MTSS1: variants seen among roughly 807,000 people sequenced by gnomAD.
The protein encoded by MTSS1 is MTSS I-BAR domain containing 1.
Under a neutral mutation model 79.0 loss-of-function variants are expected in MTSS1, and 18 were observed. That is an observed-to-expected ratio of 0.23 (90% CI 0.16 to 0.34). The LOEUF is 0.34. MTSS1 is among the 10% of genes least tolerant of loss of function. The pLI is 1.00. For synonymous variants in MTSS1, 341 were observed against 368.6 expected, an observed-to-expected ratio of 0.93 and a Z score of 0.86; for missense variants, 815 against 986.2, an observed-to-expected ratio of 0.83 and a Z score of 2.33.
At chr8:124,599,690 C>T (rs1833435097) in intron 3 of MTSS1, among the ~76,000 whole-genome samples, 1 of 151,918 alleles carries the variant, frequency 6.6e-6, no homozygotes, top group South Asian at 2.1e-4. Flanking sequence ...AGGTAAGTGA[C>T]CCCCTCCTCC....
At chr8:124,609,058 G>A (rs1249146988) in intron 3 of MTSS1, among the ~76,000 whole-genome samples, 1 of 152,218 alleles carries the variant, frequency 6.6e-6, no homozygotes, top group Non-Finnish European at 1.5e-5. Flanking sequence ...TGGAGTGAAA[G>A]GGGCTAGAAT....
At chr8:124,602,178 CATATATATACATAT>C (rs1563835528) in intron 3 of MTSS1, among the ~76,000 whole-genome samples, 1 of 101,432 alleles carries the variant, frequency 9.9e-6, no homozygotes, top group African/African-American at 4.6e-5. Context: ...AAATAAATCT[CATATATATACATAT>C]ATATATATAT....
intron 3 of MTSS1, among the ~76,000 whole-genome samples, chr8:124,670,122 T>C (rs943331299): frequency 4.6e-5 from 7 of 152,172 alleles, no homozygotes; most frequent in African/African-American, 1.7e-4. Flanking sequence ...CTAAGTGCCA[T>C]AAAACACTGC....
intron 6 of MTSS1, among the ~76,000 whole-genome samples, chr8:124,572,050 A>AAGTT (rs554501285): frequency 1.3e-5 from 2 of 152,204 alleles, no homozygotes; most frequent in Non-Finnish European, 2.9e-5. Flanking sequence ...TTCCTTTCAC[A>AAGTT]AGTTATAAGG....
At chr8:124,716,412 C>A (rs886151169) in intron 1 of MTSS1, among the ~76,000 whole-genome samples, 1 of 152,170 alleles carries the variant, frequency 6.6e-6, no homozygotes, top group Non-Finnish European at 1.5e-5. Flanking sequence ...GTGGTGGAGT[C>A]GGGGATGGGG....
chr8:124,668,309 T>G (rs1280800661), intron 3 of MTSS1, among the ~76,000 whole-genome samples: 1 of 152,178 alleles, frequency 6.6e-6, no homozygotes, highest in Admixed American at 6.5e-5. Flanking sequence ...CCTACCAATG[T>G]GTGTTCATGG....
chr8:124,704,063 G>C, intron 2 of MTSS1, 67 bp downstream of exon 2: 1 of 1,444,168 alleles, frequency 6.9e-7, no homozygotes. Context: ...CTGCATTTTG[G>C]TCTGTCCCAC....
At chr8:124,726,241 G>A (rs1833685342) in intron 1 of MTSS1, among the ~76,000 whole-genome samples, 1 of 152,218 alleles carries the variant, frequency 6.6e-6, no homozygotes, top group South Asian at 2.1e-4. Flanking sequence ...CCTTTGGGCA[G>A]GTCACCTTCT....
intron 3 of MTSS1, among the ~76,000 whole-genome samples, chr8:124,654,580 A>G (rs1820596882): frequency 6.6e-6 from 1 of 152,210 alleles, no homozygotes; most frequent in East Asian, 1.9e-4. Flanking sequence ...GACCACATGA[A>G]GTATGATGTA....
intron 13 of MTSS1, among the ~76,000 whole-genome samples, 197 bp downstream of exon 13, chr8:124,555,545 C>T (rs577955557): frequency 3.3e-5 from 5 of 152,338 alleles, no homozygotes; most frequent in South Asian, 4.1e-4. Context: ...TGCGCCCGAC[C>T]CCAGATCCCT....
chr8:124,682,060 C>T (rs1037172791), intron 3 of MTSS1, among the ~76,000 whole-genome samples: 1 of 152,188 alleles, frequency 6.6e-6, no homozygotes, highest in Non-Finnish European at 1.5e-5. Flanking sequence ...AAGGCAACTT[C>T]CCAAAAGTCA....
rs141999809 is a variant in MTSS1, at chr8:124,693,225, G to T, written c.208+6301C>A. Among the ~76,000 whole-genome samples, 324 of 152,330 alleles carry T rather than the reference G, an allele frequency of 2.1e-3. 3 individuals are homozygous for T. Among genetic ancestry groups the T allele is most frequent in the African/African-American group, 7.2e-3 (300 of 41,576 alleles). ...TTCAGAAAACAGTGAGCAGTTCTTT[G>T]TGGGTGCAGTTGCCGGCCATGGGTG... is the stretch of plus-strand genomic sequence containing the variant. On this transcript the variant is annotated intron_variant, in intron 3 of 13. Coordinates refer to ENST00000518547, the MANE Select transcript of MTSS1 (RefSeq NM_014751.6).
chr8:124,679,340 T>C (rs1397226223), intron 3 of MTSS1, among the ~76,000 whole-genome samples: 1 of 152,228 alleles, frequency 6.6e-6, no homozygotes, highest in Non-Finnish European at 1.5e-5. Flanking sequence ...GTTATCACCC[T>C]CCAATGCTCG....
intron 1 of MTSS1, among the ~76,000 whole-genome samples, chr8:124,723,611 T>C (rs1463728285): frequency 2.0e-5 from 3 of 152,192 alleles, no homozygotes; most frequent in Admixed American, 6.5e-5. Context: ...TGACTCTACA[T>C]AGAAGAGGTC....
At chr8:124,580,880 T>C (rs1481600076) in intron 6 of MTSS1, among the ~76,000 whole-genome samples, 2 of 152,168 alleles carry the variant, frequency 1.3e-5, no homozygotes, top group African/African-American at 4.8e-5. Context: ...AGCCAAGCTT[T>C]GGCAAGAAAA....
chr8:124,581,188 G>C (rs1350769397), intron 6 of MTSS1, among the ~76,000 whole-genome samples: 1 of 151,392 alleles, frequency 6.6e-6, no homozygotes, highest in African/African-American at 2.4e-5. Flanking sequence ...GCGCAGTGGT[G>C]TGTGCCTGTA....
chr8:124,634,035 C>T (rs1816523998), intron 3 of MTSS1, among the ~76,000 whole-genome samples: 1 of 151,982 alleles, frequency 6.6e-6, no homozygotes, highest in Admixed American at 6.6e-5. Flanking sequence ...AACAATGACC[C>T]ACTCTAGGTG....
chr8:124,556,417 A>AAGTGC lies in MTSS1; in HGVS notation c.1231-17_1231-13dup. On this transcript the variant is annotated splice_polypyrimidine_tract_variant and intron_variant, in intron 11 of 13. Transcript: ENST00000518547. The stretch of plus-strand genomic sequence containing the variant: ...GGCTTAGCCCAGTCCTATGCAAAAC[A>AAGTGC]AGTGCGGTCAGGAGCCAGGGCCTCT... 6.3e-7 allele frequency: 1 copy of AAGTGC among 1,598,220 alleles called. No individual in the cohort carries two copies. The highest frequency in any genetic ancestry group is 8.5e-7 in the Non-Finnish European group (1 of 1,171,218).
chr8:124,651,659 T>TA (rs1368333330), intron 3 of MTSS1, among the ~76,000 whole-genome samples: 1 of 152,116 alleles, frequency 6.6e-6, no homozygotes, highest in African/African-American at 2.4e-5. Context: ...TCCTGGGACA[T>TA]AAGTCTCCAC....
Sources: allele counts gnomAD v4.1 joint callset (sites outside exome capture counted in the v4.1 genomes callset), GRCh38; gene constraint gnomAD v4.1.1; transcripts MANE v1.5; gene names NCBI Gene and HGNC (gene_info 2026-07-23, HGNC 2026-07-21).